The following MRTFB variants were observed in gnomAD, a reference collection of about 807,000 sequenced individuals.
MRTFB encodes the protein myocardin related transcription factor B.
A neutral mutation model predicts 104.2 loss-of-function variants in MRTFB; 29 were observed. The observed-to-expected ratio is 0.28, with a 90% CI of 0.21 to 0.38. The LOEUF (loss-of-function observed/expected upper bound fraction) is 0.38, where lower values mean the gene tolerates loss of function less well. Ranked by LOEUF, MRTFB falls within the 10% of genes least tolerant of loss-of-function variation. The pLI, the probability that MRTFB is intolerant of heterozygous loss-of-function variation, is 1.00. For missense variants in MRTFB, 1,270 were observed against 1,341.6 expected, an observed-to-expected ratio of 0.95 and a Z score of 0.83; for synonymous variants, 535 against 519.5, an observed-to-expected ratio of 1.03 and a Z score of -0.41.
the MRTFB span, among the ~76,000 whole-genome samples, chr16:14,004,869 G>A: frequency 6.6e-6 from 1 of 152,210 alleles, no homozygotes; most frequent in African/African-American, 2.4e-5. Flanking sequence ...ATCTACCCTG[G>A]TCAGCATAGA....
the MRTFB span, among the ~76,000 whole-genome samples, chr16:14,046,988 A>G: frequency 3.9e-5 from 6 of 152,246 alleles, no homozygotes; most frequent in East Asian, 1.2e-3. Flanking sequence ...AGACAGGTTC[A>G]TAGTTACTGA....
At chr16:14,242,968 G>A (rs900456379) in intron 10 of MRTFB, among the ~76,000 whole-genome samples, 15 of 151,986 alleles carry the variant, frequency 9.9e-5, no homozygotes, top group Admixed American at 3.3e-4. Flanking sequence ...CTACTCTTAC[G>A]TAATAAAGCA....
At chr16:14,184,963 A>C (rs2039896688) in intron 3 of MRTFB, among the ~76,000 whole-genome samples, 1 of 152,110 alleles carries the variant, frequency 6.6e-6, no homozygotes, top group African/African-American at 2.4e-5. Flanking sequence ...TGGAGGGTTA[A>C]ATTAGATAAA....
At position 14,143,115 on chromosome 16, in the gene MRTFB, G is replaced by C. The variant is rs558157699; in HGVS notation, c.154+2355G>C. The stretch of plus-strand genomic sequence containing the variant: ...CTTCATTTCTGTCTCTTTGGTTTGA[G>C]TTACAGCAGCTTTGTAACATGTGCA... On this transcript the variant is annotated intron_variant, in intron 3 of 16. Coordinates refer to ENST00000571589, the MANE Select transcript of MRTFB (RefSeq NM_001308142.2). The C allele has an allele frequency of 3.4e-5, 5 of 147,226 alleles. No individual in the cohort carries two copies. The South Asian group carries it at 1.1e-3, about 32-fold the overall frequency. The allele number at this position is 147,226 out of a possible 1,614,324, so 9.1% of individuals were successfully genotyped here. A position where few individuals can be genotyped will look rare whatever the true frequency, so the allele number is the denominator to read the frequency against.
At chr16:14,052,601 C>T in the MRTFB span, among the ~76,000 whole-genome samples, 1 of 151,926 alleles carries the variant, frequency 6.6e-6, no homozygotes, top group Non-Finnish European at 1.5e-5. Flanking sequence ...TAGCCAGGAA[C>T]GGTGGCTTAT....
chr16:14,167,845 G>A (rs147155446), intron 3 of MRTFB, among the ~76,000 whole-genome samples: 2,890 of 152,074 alleles, frequency 0.019, 94 homozygotes, highest in African/African-American at 0.064. Flanking sequence ...CGCCCGCCGC[G>A]CCCGGCTAAT....
the MRTFB span, among the ~76,000 whole-genome samples, chr16:14,023,224 GC>G: frequency 6.3e-4 from 95 of 152,000 alleles, 1 homozygote; most frequent in African/African-American, 2.1e-3. Flanking sequence ...GGTTGCTTGA[GC>G]CCAGGAGTTC....
chr16:14,034,055 G>A, the MRTFB span, among the ~76,000 whole-genome samples: 1 of 152,112 alleles, frequency 6.6e-6, no homozygotes, highest in East Asian at 1.9e-4. Flanking sequence ...CCTTCTCCCA[G>A]AGCTCCTAGG....
chr16:14,094,506 A>G (rs1596793930), intron 2 of MRTFB, among the ~76,000 whole-genome samples: 1 of 152,208 alleles, frequency 6.6e-6, no homozygotes, highest in Non-Finnish European at 1.5e-5. Flanking sequence ...TAGTTTCTAT[A>G]GTTTTAAGTA....
chr16:14,100,544 C>T (rs920455843), intron 2 of MRTFB, among the ~76,000 whole-genome samples: 5 of 152,118 alleles, frequency 3.3e-5, no homozygotes, highest in Non-Finnish European at 5.9e-5. Context: ...ATAAGAGCCT[C>T]TTCTAGTGTC....
chr16:14,194,215 C>T (rs959276536), intron 3 of MRTFB, among the ~76,000 whole-genome samples: 3 of 152,226 alleles, frequency 2.0e-5, no homozygotes, highest in South Asian at 2.1e-4. Flanking sequence ...AACAAAATAC[C>T]GGTGGACTAC....
At chr16:14,123,843 A>G (rs922543661) in intron 2 of MRTFB, among the ~76,000 whole-genome samples, 1 of 152,182 alleles carries the variant, frequency 6.6e-6, no homozygotes, top group African/African-American at 2.4e-5. Context: ...CATTGAATCT[A>G]TAAATTACTT....
At position 14,258,107 on chromosome 16, in the gene MRTFB, A is replaced by G; in HGVS notation, c.2710A>G (p.Asn904Asp). The G allele has an allele frequency of 6.2e-7, 1 of 1,613,948 alleles. No individual in the cohort carries two copies. The highest frequency in any genetic ancestry group is 1.1e-5 in the South Asian group (1 of 91,078). The change falls in exon 16 of 17, where the codon AAC becomes GAC. Residue 904 changes from asparagine (N) to aspartate (D), a missense_variant. This residue lies in a region of MRTFB where 1,144 missense variants were observed against 1,131.5 expected (regional missense o/e 1.01). Transcript: ENST00000571589. ...STQAPLPEISNAHSQQMDDLF... is the reference protein window; with the variant it reads ...STQAPLPEISDAHSQQMDDLF... ...GTACTCTCCTTCATTGTAGATTTCC[A>G]ACGCTCACAGTCAGCAGATGGATGA...
intron 10 of MRTFB, among the ~76,000 whole-genome samples, chr16:14,242,888 G>C (rs1197854289): frequency 6.6e-6 from 1 of 152,084 alleles, no homozygotes; most frequent in East Asian, 1.9e-4. Flanking sequence ...ATCCTGAGTA[G>C]AATAATTACA....
At chr16:14,078,555 G>A (rs533984204) in intron 1 of MRTFB, among the ~76,000 whole-genome samples, 4 of 151,114 alleles carry the variant, frequency 2.6e-5, no homozygotes, top group African/African-American at 9.7e-5. Flanking sequence ...TCAGCCTCCC[G>A]AGCAGCTGGG....
intron 8 of MRTFB, among the ~76,000 whole-genome samples, chr16:14,227,875 C>T (rs1396695690): frequency 6.6e-6 from 1 of 151,316 alleles, no homozygotes; most frequent in African/African-American, 2.4e-5. Flanking sequence ...ACAAAAAGAA[C>T]TCCCACAACT....
At chr16:14,244,026 C>T (rs966597441) in intron 10 of MRTFB, among the ~76,000 whole-genome samples, 15 of 151,884 alleles carry the variant, frequency 9.9e-5, no homozygotes, top group Admixed American at 2.0e-4. Flanking sequence ...TACAGGCGCC[C>T]GCCACCACGC....
chr16:14,043,546 A>G, the MRTFB span, among the ~76,000 whole-genome samples: 1 of 152,074 alleles, frequency 6.6e-6, no homozygotes, highest in Non-Finnish European at 1.5e-5. Context: ...CCGCCTCAAC[A>G]CCCTGAGGTT....
intron 3 of MRTFB, among the ~76,000 whole-genome samples, chr16:14,145,882 A>C (rs1177960803): frequency 6.6e-6 from 1 of 152,242 alleles, no homozygotes; most frequent in African/African-American, 2.4e-5. Flanking sequence ...AGGAAAGACA[A>C]AGTGGGTAGA....
Sources: gnomAD v4.1 joint callset for allele counts (sites outside exome capture counted in the v4.1 genomes callset) on GRCh38, gnomAD v4.1.1 for gene constraint, gnomAD v4.1.1 regional missense constraint, MANE v1.5 for transcripts, NCBI Gene and HGNC (gene_info 2026-07-23, HGNC 2026-07-21) for gene names.